The following ANAPC7 variants were observed in gnomAD, a reference collection of about 807,000 sequenced individuals.
ANAPC7 encodes the protein anaphase promoting complex subunit 7.
A neutral mutation model predicts 63.3 loss-of-function variants in ANAPC7; 25 were observed. That is an observed-to-expected ratio of 0.39 (90% confidence interval 0.29 to 0.55). The LOEUF is 0.55. Ranked by LOEUF, ANAPC7 falls within the 20% of genes least tolerant of loss-of-function variation. ANAPC7 has a pLI of 0.57. For synonymous variants in ANAPC7, 241 were observed against 251.7 expected (o/e 0.96, Z 0.40); for missense variants, 516 against 691.7 (o/e 0.75, Z 2.85).
chr12:110,376,143 C>G lies in ANAPC7; in HGVS notation c.1431G>C (p.Leu477=). ...NALANQSDCV[L]HRILGDFLVA... is the part of the protein sequence containing the mutation. ...CAAGGAAATCTCCTAGGATCCGATG[C>G]AGGACACAGTCACTCTGATTAGCCA... The change falls in exon 10 of 11, where the codon CTG becomes CTC. Residue 477 remains leucine (L), a synonymous_variant. Transcript: ENST00000455511. 1 of 1,614,166 alleles carries G rather than the reference C, an allele frequency of 6.2e-7. No individual in the cohort carries two copies. Among genetic ancestry groups the G allele is most frequent in the Non-Finnish European group, 8.5e-7 (1 of 1,180,044 alleles).
intron 8 of ANAPC7, among the ~76,000 whole-genome samples, chr12:110,381,103 G>GA (rs1204691570): frequency 7.4e-5 from 11 of 149,408 alleles, no homozygotes; most frequent in East Asian, 5.8e-4. Flanking sequence ...CCAAAAACCA[G>GA]AAAAAAAATC....
chr12:110,374,249 C>G lies in ANAPC7; in HGVS notation c.1593G>C (p.Glu531Asp). 2 of 1,614,164 alleles carry G rather than the reference C, an allele frequency of 1.2e-6. No homozygotes were observed. Among genetic ancestry groups the G allele is most frequent in the South Asian group, 1.1e-5 (1 of 91,088 alleles). Residue 531 changes from glutamate (E) to aspartate (D), a missense_variant, in exon 11 of 11, where the codon GAG becomes GAC. This residue lies in a region of ANAPC7 where 122 missense variants were observed against 212.0 expected (regional missense o/e 0.58). Coordinates refer to ENST00000455511, the MANE Select transcript of ANAPC7 (RefSeq NM_016238.3). Reference protein sequence around the residue: ...EESPTDATQEEDVDDMEGSGE... With the variant: ...EESPTDATQEDDVDDMEGSGE... Reference sequence around the variant, plus strand: ...CACTCCCTTCCATGTCGTCCACATCCTCCTCCTGAGTGGCATCCGTGGGAC... The same window carrying G: ...CACTCCCTTCCATGTCGTCCACATCGTCCTCCTGAGTGGCATCCGTGGGAC...
intron 9 of ANAPC7, 32 bp from the exon 10 acceptor site, chr12:110,376,248 C>A: frequency 6.2e-7 from 1 of 1,608,910 alleles, no homozygotes; most frequent in South Asian, 1.1e-5. Flanking sequence ...TCACTTAAGT[C>A]ATGTACAAAA....
chr12:110,382,921 C>A lies in ANAPC7; in HGVS notation c.857G>T (p.Arg286Leu). The A allele has an allele frequency of 6.2e-7, 1 of 1,613,838 alleles. No individual in the cohort carries two copies. Among genetic ancestry groups the A allele is most frequent in the Non-Finnish European group, 8.5e-7 (1 of 1,179,838 alleles). The change falls in exon 7 of 11, where the codon CGG (arginine) becomes CTG (leucine). Residue 286 changes from arginine to leucine, a missense_variant. By Grantham distance (102) the Arg-to-Leu change is moderately radical (BLOSUM62 -2). This residue lies in a region of ANAPC7 where 199 missense variants were observed against 249.3 expected (regional missense o/e 0.80). Transcript: ENST00000455511. ...TCCAAGGTTCTCAACATCCTCTAGC[C>A]GCCCTTCTCGTGCCAGTAGGTAGCC... The part of the protein sequence containing the change: ...VYGYLLAREG[R>L]LEDVENLGCR...
rs1036114945 is a variant in ANAPC7, at chr12:110,373,730, A to C, written c.*414T>G. 6.1e-6 allele frequency: 1 copy of C among 162,704 alleles called. No homozygotes were observed. The allele number at this position is 162,704 out of a possible 1,614,324, so 10.1% of individuals were successfully genotyped here. A position where few individuals can be genotyped will look rare whatever the true frequency, so the allele number is the denominator to read the frequency against. ...TGGGAACAGGAAGCTCCCTAGGGCC[A>C]GATCGTGCTGCCATCCAACTTGGGA... On this transcript the variant is annotated 3_prime_UTR_variant, in exon 11 of 11. Coordinates refer to ENST00000455511, the MANE Select transcript of ANAPC7 (RefSeq NM_016238.3).
In ANAPC7 at chr12:110,395,108, GTTCT is replaced by G. The variant is rs1354707157; in HGVS notation, c.397_400del (p.Arg133LeufsTer4). 2 of 1,612,480 alleles carry G rather than the reference GTTCT, an allele frequency of 1.2e-6. No homozygotes were observed. The highest frequency in any genetic ancestry group is 8.5e-7 in the Non-Finnish European group (1 of 1,179,410). On this transcript the variant is annotated frameshift_variant, in exon 3 of 11. Transcript: ENST00000455511. LOFTEE classifies it high-confidence loss of function. ...CATAAACATTCAACTTACTTTGGGA[GTTCT>G]TTGTCTTGAAGGGATCCCATCAAGT...
chr12:110,398,137 C>G (rs996418514), intron 1 of ANAPC7, among the ~76,000 whole-genome samples: 1 of 150,614 alleles, frequency 6.6e-6, no homozygotes, highest in Non-Finnish European at 1.5e-5. Context: ...TCCCAGCTAC[C>G]TGGGAGGCTG....
intron 1 of ANAPC7, among the ~76,000 whole-genome samples, chr12:110,397,870 G>T (rs1159653856): frequency 6.6e-6 from 1 of 152,056 alleles, no homozygotes; most frequent in Non-Finnish European, 1.5e-5. Context: ...ACTCCAGCCT[G>T]GGCGACAAGA....
At chr12:110,401,599 A>G (rs1458071958) in intron 1 of ANAPC7, among the ~76,000 whole-genome samples, 1 of 152,140 alleles carries the variant, frequency 6.6e-6, no homozygotes, top group Non-Finnish European at 1.5e-5. Flanking sequence ...GCATTCAAAT[A>G]ACACAAAGAG....
In ANAPC7 at chr12:110,394,669, C is replaced by CAAAAAAAAAA. The variant is rs779142936; in HGVS notation, c.408+422_408+431dup. Among the ~76,000 whole-genome samples, 48 of 42,776 alleles carry CAAAAAAAAAA rather than the reference C, an allele frequency of 1.1e-3. 5 individuals carry two copies. Among genetic ancestry groups the CAAAAAAAAAA allele is most frequent in the African/African-American group, 4.8e-3 (45 of 9,416 alleles). 28.1% of individuals were successfully genotyped at this position (42,776 alleles called of 152,430 possible). On this transcript the variant is annotated intron_variant, in intron 3 of 10. Transcript: ENST00000455511. ...GGGCAACAAGAGTGAAATTCCACCT[C>CAAAAAAAAAA]AAAAAAAAAAAAAAAAAAAAAAAAA...
At chr12:110,392,490 G>C (rs1179913708) in intron 3 of ANAPC7, among the ~76,000 whole-genome samples, 1 of 152,120 alleles carries the variant, frequency 6.6e-6, no homozygotes, top group African/African-American at 2.4e-5. Flanking sequence ...TTTAAAGGCA[G>C]GAGGATGCAC....
At chr12:110,383,029 A>G in intron 6 of ANAPC7, 69 bp from the exon 7 acceptor site, 1 of 1,205,782 alleles carries the variant, frequency 8.3e-7, no homozygotes. Flanking sequence ...ATACAGGAGT[A>G]GCACCCAACA....
chr12:110,376,518 G>A (rs1315135094), intron 9 of ANAPC7, among the ~76,000 whole-genome samples: 1 of 130,034 alleles, frequency 7.7e-6, no homozygotes, highest in African/African-American at 3.1e-5. Context: ...GCAGTGAGCC[G>A]TGATTGTGCC....
intron 3 of ANAPC7, among the ~76,000 whole-genome samples, chr12:110,394,669 C>CAAAAAAAAAAAAA (rs779142936): frequency 9.3e-5 from 4 of 42,788 alleles, no homozygotes; most frequent in African/African-American, 4.3e-4. Flanking sequence ...AATTCCACCT[C>CAAAAAAAAAAAAA]AAAAAAAAAA....
At chr12:110,396,159 G>T in intron 2 of ANAPC7, 107 bp downstream of exon 2, 2 of 979,278 alleles carry the variant, frequency 2.0e-6, no homozygotes, top group Non-Finnish European at 3.1e-6. Flanking sequence ...CTGCTGTGCA[G>T]CCTGGTTCCT....
intron 8 of ANAPC7, among the ~76,000 whole-genome samples, chr12:110,379,560 G>T (rs1881622861): frequency 6.6e-6 from 1 of 152,230 alleles, no homozygotes; most frequent in Admixed American, 6.5e-5. Flanking sequence ...TCAGGATCAA[G>T]AAGTTAATCT....
chr12:110,400,064 C>T (rs2062206576), intron 1 of ANAPC7, among the ~76,000 whole-genome samples: 1 of 151,926 alleles, frequency 6.6e-6, no homozygotes, highest in African/African-American at 2.4e-5. Context: ...GCACTCCAGC[C>T]CTGGCGACAG....
intron 1 of ANAPC7, among the ~76,000 whole-genome samples, chr12:110,396,790 C>T (rs1208262336): frequency 6.7e-6 from 1 of 149,690 alleles, no homozygotes; most frequent in East Asian, 2.1e-4. Flanking sequence ...GCTGGGATTA[C>T]AGGCGTGAGC....
In ANAPC7 at chr12:110,403,528, GGTT is replaced by G. The variant is rs763045259; in HGVS notation, c.97_99del (p.Asn33del). The G allele has an allele frequency of 1.1e-5, 18 of 1,598,006 alleles. No individual in the cohort carries two copies. Among genetic ancestry groups the G allele is most frequent in the East Asian group, 6.8e-5 (3 of 44,304 alleles). On this transcript the variant is annotated inframe_deletion and splice_region_variant, in exon 1 of 11. Transcript: ENST00000455511. ...AGGCAGCTACCCGCCTCAACTCACG[GGTT>G]GTTATTACTCATTGTAAGTAACAAG...
Sources: allele counts gnomAD v4.1 joint callset (sites outside exome capture counted in the v4.1 genomes callset), GRCh38; gene constraint gnomAD v4.1.1; regional missense constraint gnomAD v4.1.1; transcripts MANE v1.5; gene names NCBI Gene and HGNC (gene_info 2026-07-23, HGNC 2026-07-21).